The following SLC39A14 variants were observed in gnomAD, a reference collection of about 807,000 sequenced individuals.
The protein encoded by SLC39A14 is metal cation symporter ZIP14.
SLC39A14 carries 19 observed loss-of-function variants against 45.5 expected under a neutral mutation model. The observed-to-expected ratio is 0.42, with a 90% CI of 0.29 to 0.61. SLC39A14 has a LOEUF of 0.61. SLC39A14 is among the 20% of genes least tolerant of loss of function. The probability of loss-of-function intolerance (pLI) is 0.22; values close to 1 mark genes in which losing one functional copy is unlikely to be tolerated. For synonymous variants in SLC39A14, 264 were observed against 251.3 expected, an observed-to-expected ratio of 1.05 and a Z score of -0.48; for missense variants, 447 against 616.5, an observed-to-expected ratio of 0.73 and a Z score of 2.91.
At chr8:22,403,736 G>C (rs1437602757) in intron 1 of SLC39A14, among the ~76,000 whole-genome samples, 1 of 150,998 alleles carries the variant, frequency 6.6e-6, no homozygotes, top group African/African-American at 2.4e-5. Flanking sequence ...GGGCAAATAT[G>C]GTGAAACCCC....
At chr8:22,426,715 A>G (rs1836393308), downstream of SLC39A14, among the ~76,000 whole-genome samples, 1 of 151,160 alleles carries the variant, frequency 6.6e-6, no homozygotes, top group Non-Finnish European at 1.5e-5. Flanking sequence ...ATGGAGTCTC[A>G]CTCTGTTGCC....
At chr8:22,431,462 C>T (rs1316439576) in intron 8 of SLC39A14, among the ~76,000 whole-genome samples, 18 of 152,136 alleles carry the variant, frequency 1.2e-4, no homozygotes, top group South Asian at 1.0e-3. Context: ...TAGAAACTGA[C>T]GCCAGGTTAC....
At chr8:22,370,472 T>G (rs116102832) in intron 1 of SLC39A14, among the ~76,000 whole-genome samples, 316 of 152,188 alleles carry the variant, frequency 2.1e-3, no homozygotes, top group African/African-American at 7.3e-3. Context: ...CCCACAACCA[T>G]GGAATGTTGA....
Position 22,421,684 on chromosome 8 carries a change from C to T in SLC39A14, c.*1986C>T. ...AGACTCTGGAAGATTTTGCTTTAAC[C>T]TAACTCGCATTGATGTATTAAATTT... On this transcript the variant is annotated 3_prime_UTR_variant, in exon 9 of 9. Coordinates refer to ENST00000381237, the MANE Select transcript of SLC39A14 (RefSeq NM_001128431.4). 1.0e-6 allele frequency: 1 copy of T among 985,210 alleles called. No homozygotes were observed. Among genetic ancestry groups the T allele is most frequent in the Non-Finnish European group, 1.2e-6 (1 of 829,352 alleles). 61.0% of individuals were successfully genotyped at this position (985,210 alleles called of 1,614,324 possible).
intron 1 of SLC39A14, among the ~76,000 whole-genome samples, chr8:22,385,333 G>A (rs1158398914): frequency 1.3e-5 from 2 of 152,220 alleles, no homozygotes; most frequent in Non-Finnish European, 2.9e-5. Flanking sequence ...ATGGACACCA[G>A]GTACTACCCG....
chr8:22,394,227 T>G (rs1178996206), intron 1 of SLC39A14, among the ~76,000 whole-genome samples: 1 of 151,646 alleles, frequency 6.6e-6, no homozygotes, highest in Non-Finnish European at 1.5e-5. Flanking sequence ...GGATTATCTC[T>G]ATCTCTTGAC....
intron 1 of SLC39A14, among the ~76,000 whole-genome samples, chr8:22,386,392 G>C (rs1248021016): frequency 6.6e-6 from 1 of 150,942 alleles, no homozygotes; most frequent in African/African-American, 2.4e-5. Flanking sequence ...TCAGCCTCCC[G>C]AGTAGCTGTG....
chr8:22,402,390 GAAA>G (rs776556638), intron 1 of SLC39A14, among the ~76,000 whole-genome samples: 37 of 144,976 alleles, frequency 2.6e-4, no homozygotes, highest in Admixed American at 1.0e-3. Flanking sequence ...GTCTCAAAAA[GAAA>G]AAAAAAGAAA....
chr8:22,367,762 C>T lies in SLC39A14; in HGVS notation c.-16+354C>T, dbSNP rs1434127369. 1 of 152,308 alleles carries T rather than the reference C, an allele frequency of 6.6e-6. No homozygotes were observed. The highest frequency in any genetic ancestry group is 1.5e-5 in the Non-Finnish European group (1 of 68,116). The allele number at this position is 152,308 out of a possible 1,614,324, so 9.4% of individuals were successfully genotyped here. A position where few individuals can be genotyped will look rare whatever the true frequency, so the allele number is the denominator to read the frequency against. On this transcript the variant is annotated intron_variant, in intron 1 of 8. Coordinates refer to ENST00000381237, the MANE Select transcript of SLC39A14 (RefSeq NM_001128431.4). The surrounding 1 kb of genome is among the most constrained non-coding windows in gnomAD (Gnocchi z 4.2). The stretch of plus-strand genomic sequence containing the variant: ...AGTAGGTGGCCAATCCGAGGGGCGG[C>T]TCTTGGGGCGGCTCTATGGGGCTCT...
Position 22,415,791 on chromosome 8 carries a change from A to G in SLC39A14, c.773A>G (p.Tyr258Cys). 1 of 1,612,496 alleles carries G rather than the reference A, an allele frequency of 6.2e-7. No individual in the cohort carries two copies. The highest frequency in any genetic ancestry group is 8.5e-7 in the Non-Finnish European group (1 of 1,179,634). ...CAGCATCATCATGGACACAGCCATTATGCCTCTGAGTCGCTTCCCTCCAAG... is the reference window on the plus strand; with the variant it reads ...CAGCATCATCATGGACACAGCCATTGTGCCTCTGAGTCGCTTCCCTCCAAG... The part of the protein sequence containing the change: ...KNEHHHGHSH[Y>C]ASESLPSKKD... The change falls in exon 6 of 9, where the codon TAT (tyrosine) becomes TGT (cysteine). Residue 258 changes from tyrosine (Y) to cysteine (C), a missense_variant. Tyr to Cys is a radical substitution (Grantham distance 194). Around this residue, in one of 2 missense-constraint regions of SLC39A14, gnomAD observed 342 missense variants for 428.1 expected, o/e 0.80. Transcript: ENST00000381237.
intron 3 of SLC39A14, chr8:22,409,843 G>T (rs572389903): frequency 1.7e-6 from 2 of 1,187,112 alleles, no homozygotes; most frequent in Admixed American, 1.9e-5. Flanking sequence ...GTGGATCTCA[G>T]TCTGCCCCAT....
chr8:22,376,334 ATTTTTTTT>A (rs778041310), intron 1 of SLC39A14, among the ~76,000 whole-genome samples: 3 of 122,430 alleles, frequency 2.5e-5, no homozygotes, highest in African/African-American at 6.2e-5. Context: ...ACCACACCTA[ATTTTTTTT>A]TTTTTTTTTT....
At position 22,416,242 on chromosome 8, in the gene SLC39A14, C is replaced by T. The variant is rs753113837; in HGVS notation, c.1109C>T (p.Ser370Leu). 5.0e-6 allele frequency: 8 copies of T among 1,613,234 alleles called. No homozygotes were observed. Among genetic ancestry groups the T allele is most frequent in the African/African-American group, 2.7e-5 (2 of 74,866 alleles). The change falls in exon 7 of 9, where the codon TCG (serine) becomes TTG (leucine). Residue 370 changes from serine to leucine, a missense_variant. Physicochemically the swap from Ser to Leu is moderately radical, Grantham distance 145. This residue lies in a region of SLC39A14 where 105 missense variants were observed against 188.4 expected (regional missense o/e 0.56). Transcript: ENST00000381237. ...TCAGTTTTCCAAGGCATCAGCACCT[C>T]GGTGGCCATCCTCTGTGAGGAGTTC... is the stretch of plus-strand genomic sequence containing the variant. Reference protein sequence around the residue: ...TVSVFQGISTSVAILCEEFPH... With the variant: ...TVSVFQGISTLVAILCEEFPH...
chr8:22,417,380 A>C (rs185456034), intron 7 of SLC39A14, among the ~76,000 whole-genome samples: 3 of 152,188 alleles, frequency 2.0e-5, no homozygotes, highest in African/African-American at 7.2e-5. Flanking sequence ...AGGAAGTTCA[A>C]GGGCCTGTCT....
chr8:22,423,149 C>T (rs1040276388), downstream of SLC39A14, among the ~76,000 whole-genome samples: 1 of 151,164 alleles, frequency 6.6e-6, no homozygotes, highest in Non-Finnish European at 1.5e-5. Flanking sequence ...GTACTCTCTT[C>T]TCTTTTCTTT....
intron 7 of SLC39A14, among the ~76,000 whole-genome samples, chr8:22,416,732 G>A (rs1476120775): frequency 6.6e-6 from 1 of 152,094 alleles, no homozygotes; most frequent in Non-Finnish European, 1.5e-5. Flanking sequence ...ACCGAACGTG[G>A]CCTAACCACC....
intron 8 of SLC39A14, among the ~76,000 whole-genome samples, chr8:22,419,257 T>G (rs773220488): frequency 5.9e-5 from 9 of 152,076 alleles, no homozygotes; most frequent in Non-Finnish European, 7.4e-5. Context: ...TGATCTCCAT[T>G]CACTGCAGCC....
chr8:22,432,458 T>TTC lies in SLC39A14; in HGVS notation c.1333-1417_1333-1416dup, dbSNP rs545158574. Reference sequence around the variant, plus strand: ...TCTCTCTCTTCTCCCTCCTTCCTTTTTCTCTCTCTCTCTCTCTTTTTCTCT... The same window carrying TTC: ...TCTCTCTCTTCTCCCTCCTTCCTTTTTCTCTCTCTCTCTCTCTCTTTTTCTCT... On this transcript the variant is annotated intron_variant, in intron 8 of 8. Transcript: ENST00000240095. Among the ~76,000 whole-genome samples the TTC allele has an allele frequency of 6.0e-5, 9 of 150,908 alleles. 1 individual carries two copies. The highest frequency in any genetic ancestry group is 9.7e-5 in the African/African-American group (4 of 41,172).
At chr8:22,402,377 T>G (rs561425044) in intron 1 of SLC39A14, among the ~76,000 whole-genome samples, 22 of 151,580 alleles carry the variant, frequency 1.5e-4, no homozygotes, top group African/African-American at 4.8e-4. Context: ...AGAGCAAGAC[T>G]CCGTCTCAAA....
Sources: gnomAD v4.1 joint callset for allele counts (sites outside exome capture counted in the v4.1 genomes callset) on GRCh38, gnomAD v4.1.1 for gene constraint, gnomAD v4.1.1 regional missense constraint, Gnocchi (gnomAD v3.1) non-coding constraint, MANE v1.5 for transcripts, NCBI Gene and HGNC (gene_info 2026-07-23, HGNC 2026-07-21) for gene names.